The following ZNF334 variants were observed in gnomAD, a reference collection of about 807,000 sequenced individuals.
The protein encoded by ZNF334 is zinc finger protein 334.
A neutral mutation model predicts 12.4 loss-of-function variants in ZNF334; 14 were observed. The observed-to-expected ratio is 1.13, with a 90% CI of 0.74 to 1.76. The LOEUF is 1.76. ZNF334 is among the 40% of genes most tolerant of loss of function. The probability of loss-of-function intolerance (pLI) is 0.00; values close to 1 mark genes in which losing one functional copy is unlikely to be tolerated. For synonymous variants in ZNF334, 273 were observed against 269.6 expected (o/e 1.01, Z -0.12); for missense variants, 797 against 804.5 (o/e 0.99, Z 0.11).
the ZNF334 span, among the ~76,000 whole-genome samples, chr20:46,465,544 A>C: frequency 6.6e-4 from 101 of 152,098 alleles, 1 homozygote; most frequent in African/African-American, 2.4e-3. Context: ...AAAAACCAAA[A>C]CAAACAAACA....
At chr20:46,473,628 A>C in the ZNF334 span, among the ~76,000 whole-genome samples, 83 of 152,226 alleles carry the variant, frequency 5.5e-4, 1 homozygote, top group East Asian at 0.013. Flanking sequence ...CCCAGATTTC[A>C]ATCATGCATT....
downstream of ZNF334, among the ~76,000 whole-genome samples, chr20:46,497,544 CAGTA>C (rs1433713585): frequency 1.3e-5 from 2 of 152,184 alleles, no homozygotes; most frequent in African/African-American, 4.8e-5. Context: ...TATTGACTGA[CAGTA>C]AGAAACTAAT....
chr20:46,480,743 A>G, the ZNF334 span, among the ~76,000 whole-genome samples: 3 of 152,148 alleles, frequency 2.0e-5, no homozygotes, highest in African/African-American at 7.2e-5. Context: ...TAAGTTCCAT[A>G]TAGGTAGGCT....
chr20:46,499,477 A>C (rs1192053612), downstream of ZNF334, among the ~76,000 whole-genome samples: 1 of 152,100 alleles, frequency 6.6e-6, no homozygotes, highest in Non-Finnish European at 1.5e-5. Context: ...TGATTTCTTT[A>C]TGTCTTGAAA....
At chr20:46,484,749 G>T in the ZNF334 span, among the ~76,000 whole-genome samples, 1 of 152,168 alleles carries the variant, frequency 6.6e-6, no homozygotes, top group Non-Finnish European at 1.5e-5. Context: ...TTCATCTTGG[G>T]ATGATACAAG....
chr20:46,512,558 G>C lies in ZNF334; in HGVS notation c.-57C>G, dbSNP rs1056573665. The C allele has an allele frequency of 6.5e-6, 1 of 154,358 alleles. No individual in the cohort carries two copies. Among genetic ancestry groups the C allele is most frequent in the Admixed American group, 6.4e-5 (1 of 15,540 alleles). The allele number at this position is 154,358 out of a possible 1,614,324, so 9.6% of individuals were successfully genotyped here. ...CACTTACCTGTTTTCCTACTAATGT[G>C]TTTAGCCACTTGAGATGACAGAATC... On this transcript the variant is annotated 5_prime_UTR_variant, in exon 1 of 5. Transcript: ENST00000692313.
At chr20:46,476,761 T>C in the ZNF334 span, among the ~76,000 whole-genome samples, 3 of 152,206 alleles carry the variant, frequency 2.0e-5, no homozygotes, top group African/African-American at 7.2e-5. Context: ...TCCAAGCTGA[T>C]AAAGCTTGTT....
At chr20:46,472,843 G>A in the ZNF334 span, among the ~76,000 whole-genome samples, 4 of 152,204 alleles carry the variant, frequency 2.6e-5, no homozygotes, top group South Asian at 2.1e-4. Context: ...GATGAGAGAC[G>A]ACGGTGGCTT....
rs748648053 is a variant in ZNF334 at position 46,501,724 on chromosome 20, T to C, written c.1615A>G (p.Ile539Val). The part of the protein sequence containing the change: ...NSHLIVHQRT[I>V]WERPYECNEC... Reference sequence around the variant, plus strand: ...TTGCATTCATATGGTCTCTCCCATATAGTTCTCTGATGTACAATGAGGTGT... The same window carrying C: ...TTGCATTCATATGGTCTCTCCCATACAGTTCTCTGATGTACAATGAGGTGT... The change falls in exon 5 of 5, where the codon ATA becomes GTA. Residue 539 changes from isoleucine to valine, a missense_variant. Ile to Val is a conservative substitution (Grantham distance 29, BLOSUM62 3). Transcript: ENST00000692313. The C allele has an allele frequency of 2.5e-6, 4 of 1,614,184 alleles. No individual in the cohort carries two copies. Among genetic ancestry groups the C allele is most frequent in the Admixed American group, 3.3e-5 (2 of 60,028 alleles).
At chr20:46,493,335 T>C in the ZNF334 span, among the ~76,000 whole-genome samples, 1 of 152,224 alleles carries the variant, frequency 6.6e-6, no homozygotes, top group Non-Finnish European at 1.5e-5. Context: ...AAAAGCCATC[T>C]CTTCTGGGTG....
At chr20:46,498,284 T>A (rs1214111445), downstream of ZNF334, among the ~76,000 whole-genome samples, 1 of 152,134 alleles carries the variant, frequency 6.6e-6, no homozygotes, top group East Asian at 1.9e-4. Flanking sequence ...ACCAATTAAG[T>A]ACAGTGAAAG....
chr20:46,494,347 G>T, the ZNF334 span, among the ~76,000 whole-genome samples: 26 of 152,264 alleles, frequency 1.7e-4, no homozygotes, highest in East Asian at 3.7e-3. Context: ...GATATGACAG[G>T]AGCTGCCACA....
chr20:46,508,207 G>A (rs1177657851), intron 2 of ZNF334, among the ~76,000 whole-genome samples: 1 of 152,166 alleles, frequency 6.6e-6, no homozygotes, highest in African/African-American at 2.4e-5. Context: ...CAGAGCAGAG[G>A]AGAGTTCACC....
chr20:46,462,452 A>G, the ZNF334 span, among the ~76,000 whole-genome samples: 3 of 152,224 alleles, frequency 2.0e-5, no homozygotes, highest in African/African-American at 7.2e-5. Context: ...TTTGAATCAC[A>G]TCTGTCTACC....
At chr20:46,481,834 A>ATCT in the ZNF334 span, among the ~76,000 whole-genome samples, 3 of 152,254 alleles carry the variant, frequency 2.0e-5, no homozygotes, top group African/African-American at 7.2e-5. Flanking sequence ...ACATTGTGGT[A>ATCT]GAATGAACAA....
chr20:46,507,571 T>C (rs192786239), intron 2 of ZNF334, among the ~76,000 whole-genome samples: 10 of 152,364 alleles, frequency 6.6e-5, no homozygotes, highest in African/African-American at 2.4e-4. Context: ...ATTTTGTGTA[T>C]GATTTTTCTC....
chr20:46,466,697 T>C, the ZNF334 span, among the ~76,000 whole-genome samples: 2 of 152,164 alleles, frequency 1.3e-5, no homozygotes, highest in Admixed American at 6.5e-5. Context: ...TTGGCCAAGC[T>C]GGTCTTGAAC....
the ZNF334 span, among the ~76,000 whole-genome samples, chr20:46,477,918 A>T: frequency 6.6e-6 from 1 of 152,240 alleles, no homozygotes; most frequent in Non-Finnish European, 1.5e-5. Context: ...ACTGGGCTAC[A>T]AATGATGGTA....
At chr20:46,495,901 G>C (rs556986513), downstream of ZNF334, among the ~76,000 whole-genome samples, 2 of 152,282 alleles carry the variant, frequency 1.3e-5, no homozygotes, top group African/African-American at 4.8e-5. Context: ...ATGGAGGTCT[G>C]GGTATGTCCT....
Sources: gnomAD v4.1 joint callset for allele counts (sites outside exome capture counted in the v4.1 genomes callset) on GRCh38, gnomAD v4.1.1 for gene constraint, MANE v1.5 for transcripts, NCBI Gene and HGNC (gene_info 2026-07-23, HGNC 2026-07-21) for gene names.